The following GABRB1 variants were observed in gnomAD, a reference collection of about 807,000 sequenced individuals.
GABRB1 encodes the protein gamma-aminobutyric acid receptor subunit beta-1.
GABRB1 carries 17 observed loss-of-function variants against 51.6 expected under a neutral mutation model. That is an observed-to-expected ratio of 0.33 (90% CI 0.23 to 0.49). GABRB1 has a LOEUF of 0.49. Ranked by LOEUF, GABRB1 falls within the 20% of genes least tolerant of loss-of-function variation. The probability of loss-of-function intolerance (pLI) is 0.99; values close to 1 mark genes in which losing one functional copy is unlikely to be tolerated. For missense variants in GABRB1, 410 were observed against 600.6 expected (o/e 0.68, Z 3.32); for synonymous variants, 247 against 218.9 (o/e 1.13, Z -1.14).
chr4:47,050,586 A>G (rs1726303879), intron 3 of GABRB1, among the ~76,000 whole-genome samples: 1 of 152,274 alleles, frequency 6.6e-6, no homozygotes, highest in African/African-American at 2.4e-5. Flanking sequence ...ATTTATAAAT[A>G]CCAGCTTATC....
chr4:47,103,000 C>A (rs28691064), intron 3 of GABRB1, among the ~76,000 whole-genome samples: 2,281 of 151,938 alleles, frequency 0.015, 51 homozygotes, highest in African/African-American at 0.052. Flanking sequence ...TTTCTAGTTT[C>A]CTATGTGGAC....
At chr4:47,047,111 A>G (rs911519898) in intron 3 of GABRB1, among the ~76,000 whole-genome samples, 1 of 152,122 alleles carries the variant, frequency 6.6e-6, no homozygotes, top group African/African-American at 2.4e-5. Flanking sequence ...TTAGCTGTGT[A>G]AGAAACTTTC....
chr4:47,000,566 A>C (rs1724147962), intron 1 of GABRB1, among the ~76,000 whole-genome samples: 1 of 152,188 alleles, frequency 6.6e-6, no homozygotes, highest in Non-Finnish European at 1.5e-5. Context: ...GAGGTCCTTC[A>C]TCCCATTGCA....
chr4:47,333,217 TATATATATATATATATATAC>T (rs71195623), intron 5 of GABRB1, among the ~76,000 whole-genome samples: 20,187 of 106,572 alleles, frequency 0.19, 2,023 homozygotes, highest in Non-Finnish European at 0.22. Flanking sequence ...TATATATATA[TATATATATATATATATATAC>T]ACACCACGTA....
At chr4:47,205,626 C>T (rs541184945) in intron 4 of GABRB1, among the ~76,000 whole-genome samples, 3 of 152,168 alleles carry the variant, frequency 2.0e-5, no homozygotes, top group South Asian at 2.1e-4. Context: ...ATTGCATTGC[C>T]GTGTTGAAGT....
chr4:47,323,790 T>C (rs1725163770), intron 5 of GABRB1, among the ~76,000 whole-genome samples: 1 of 152,224 alleles, frequency 6.6e-6, no homozygotes, highest in African/African-American at 2.4e-5. Flanking sequence ...TTTGTTTAAC[T>C]TGATGTCATC....
intron 4 of GABRB1, among the ~76,000 whole-genome samples, chr4:47,263,394 G>T (rs1472005236): frequency 6.6e-6 from 1 of 152,038 alleles, no homozygotes; most frequent in African/African-American, 2.4e-5. Flanking sequence ...ATGACTAGGG[G>T]AGAAGTAAGA....
chr4:47,127,828 G>A (rs1225603133), intron 3 of GABRB1, among the ~76,000 whole-genome samples: 4 of 151,874 alleles, frequency 2.6e-5, no homozygotes, highest in African/African-American at 7.2e-5. Flanking sequence ...GATTCATATT[G>A]TGAACTATAA....
At chr4:47,204,349 T>G (rs1720027468) in intron 4 of GABRB1, among the ~76,000 whole-genome samples, 1 of 152,144 alleles carries the variant, frequency 6.6e-6, no homozygotes, top group Non-Finnish European at 1.5e-5. Context: ...TGTTTTAACA[T>G]ATGCAGGGCC....
intron 1 of GABRB1, chr4:46,994,402 T>C (rs1324255000): frequency 1.4e-5 from 2 of 146,898 alleles, no homozygotes; most frequent in Non-Finnish European, 3.0e-5. Flanking sequence ...CTTCCAGAGG[T>C]TGACTGCTTT....
At chr4:47,034,527 A>G (rs963070933) in intron 3 of GABRB1, among the ~76,000 whole-genome samples, 1 of 152,190 alleles carries the variant, frequency 6.6e-6, no homozygotes, top group Non-Finnish European at 1.5e-5. Flanking sequence ...TTCTACTACA[A>G]TCCCCATTAC....
chr4:47,300,894 A>G (rs192391188), intron 4 of GABRB1, among the ~76,000 whole-genome samples: 20 of 152,336 alleles, frequency 1.3e-4, no homozygotes, highest in African/African-American at 4.8e-4. Flanking sequence ...GTATATATGT[A>G]TATGTAAACA....
chr4:47,148,115 G>T (rs1034431420), intron 3 of GABRB1, among the ~76,000 whole-genome samples: 1 of 152,066 alleles, frequency 6.6e-6, no homozygotes, highest in African/African-American at 2.4e-5. Context: ...AAACTAGATA[G>T]TAGCAAGTAT....
At chr4:47,114,199 G>C (rs1295696848) in intron 3 of GABRB1, among the ~76,000 whole-genome samples, 1 of 57,694 alleles carries the variant, frequency 1.7e-5, no homozygotes, top group Non-Finnish European at 3.9e-5. Context: ...ATTCCAAGGC[G>C]TATGAAGAGA....
intron 1 of GABRB1, among the ~76,000 whole-genome samples, chr4:47,004,133 C>A (rs931833581): frequency 4.6e-5 from 7 of 151,908 alleles, no homozygotes; most frequent in African/African-American, 1.7e-4. Flanking sequence ...GGACTACAGG[C>A]GCGTCCCACC....
chr4:47,000,406 G>A (rs1486932668), intron 1 of GABRB1, among the ~76,000 whole-genome samples: 1 of 152,158 alleles, frequency 6.6e-6, no homozygotes, highest in Non-Finnish European at 1.5e-5. Flanking sequence ...AAATCTGGTG[G>A]TCAGGACTTA....
chr4:47,199,547 T>C (rs905719261), intron 4 of GABRB1, among the ~76,000 whole-genome samples: 1 of 152,000 alleles, frequency 6.6e-6, no homozygotes, highest in African/African-American at 2.4e-5. Context: ...GCAGCAACGT[T>C]GTTGGCTTGC....
chr4:47,023,465 T>A (rs1325455341), intron 1 of GABRB1, among the ~76,000 whole-genome samples: 1 of 152,014 alleles, frequency 6.6e-6, no homozygotes, highest in African/African-American at 2.4e-5. Context: ...AAAATTGCCA[T>A]TTTCAAGTCT....
chr4:47,207,148 A>C (rs1720159341), intron 4 of GABRB1, among the ~76,000 whole-genome samples: 5 of 151,968 alleles, frequency 3.3e-5, no homozygotes, highest in Non-Finnish European at 7.4e-5. Context: ...CAGGACATTT[A>C]ACTTGTAGTA....
Sources: gnomAD v4.1 joint callset for allele counts (sites outside exome capture counted in the v4.1 genomes callset) on GRCh38, gnomAD v4.1.1 for gene constraint, MANE v1.5 for transcripts, NCBI Gene and HGNC (gene_info 2026-07-23, HGNC 2026-07-21) for gene names.